The following MID1 variants were observed in gnomAD, a reference collection of about 807,000 sequenced individuals.
MID1 encodes the protein E3 ubiquitin-protein ligase Midline-1.
In MID1, 7 loss-of-function variants were observed where a neutral mutation model predicts 40.4. The observed-to-expected ratio is 0.17, with a 90% confidence interval of 0.10 to 0.33. MID1 has a LOEUF of 0.33. Ranked by LOEUF, MID1 falls within the 10% of genes least tolerant of loss-of-function variation. The pLI, the probability that MID1 is intolerant of heterozygous loss-of-function variation, is 1.00. For synonymous variants in MID1, 229 were observed against 221.2 expected, an observed-to-expected ratio of 1.04 and a Z score of -0.31; for missense variants, 367 against 558.5, an observed-to-expected ratio of 0.66 and a Z score of 3.46.
chrX:10,527,844 C>T (rs1378558927), intron 2 of MID1, among the ~76,000 whole-genome samples: 1 of 111,445 alleles, frequency 9.0e-6, no homozygotes, highest in East Asian at 2.8e-4. Context: ...TGCTCATTAA[C>T]CCTCTTTCCT....
chrX:10,511,652 G>C (rs1401575367), intron 3 of MID1, among the ~76,000 whole-genome samples: 1 of 112,306 alleles, frequency 8.9e-6, no homozygotes, highest in East Asian at 2.8e-4. Context: ...GCCTCCCAAA[G>C]TGCTGAGATT....
intron 1 of MID1, among the ~76,000 whole-genome samples, chrX:10,776,894 C>T (rs188709760): frequency 6.7e-4 from 75 of 112,147 alleles, no homozygotes; most frequent in African/African-American, 2.4e-3. Flanking sequence ...TGCTTACTTC[C>T]AATGATTTAC....
intron 7 of MID1, 68 bp from the exon 8 acceptor site, chrX:10,459,875 T>G: frequency 9.4e-7 from 1 of 1,061,037 alleles, no homozygotes; most frequent in East Asian, 3.0e-5. Flanking sequence ...TAATTTTAGG[T>G]TGAATAATTT....
rs537679954 is a variant in MID1, at chrX:10,759,293, C to T, written c.-187+74261G>A. Among the ~76,000 whole-genome samples, 39 of 111,860 alleles carry T rather than the reference C, an allele frequency of 3.5e-4. 1 individual carries two copies. Among genetic ancestry groups the T allele is most frequent in the African/African-American group, 1.0e-3 (31 of 30,742 alleles). On this transcript the variant is annotated intron_variant, in intron 1 of 10. Coordinates refer to the MID1 transcript ENST00000380785. ...TTGAAGGAGACCGAGGAAATGCTGG[C>T]GACGCAGGGCTGAGGCACAACTTTG...
intron 5 of MID1, among the ~76,000 whole-genome samples, chrX:10,477,751 G>A (rs1003646354): frequency 1.8e-5 from 2 of 112,029 alleles, no homozygotes; most frequent in African/African-American, 6.5e-5. Flanking sequence ...TGCTCACAAG[G>A]CTTCTGCCAA....
In MID1 at chrX:10,765,942, GGAAAGAAAGAAAGAAAGAAA is replaced by G. The variant is rs201959862; in HGVS notation, c.-187+67592_-187+67611del. Among the ~76,000 whole-genome samples the G allele has an allele frequency of 9.2e-3, 603 of 65,397 alleles. 7 individuals carry two copies. Among genetic ancestry groups the G allele is most frequent in the East Asian group, 0.036 (74 of 2,028 alleles). The allele number at this position is 65,397 out of a possible 115,157, so 56.8% of individuals were successfully genotyped here. On this transcript the variant is annotated intron_variant, in intron 1 of 10. Transcript: ENST00000380785. ...AAGAAAGAAAGGAAAGGAAAGGAAAGGAAAGAAAGAAAGAAAGAAAGAAAGAAAGAAAGAAAGAAAGAAAG... is the reference window on the plus strand; with the variant it reads ...AAGAAAGAAAGGAAAGGAAAGGAAAGGAAAGAAAGAAAGAAAGAAAGAAAG...
Position 10,722,014 on chromosome X carries a change from C to A in MID1, c.-186-101595G>T, listed in dbSNP as rs1041527230. Among the ~76,000 whole-genome samples the A allele has an allele frequency of 4.5e-5, 5 of 111,495 alleles. No individual in the cohort carries two copies. The East Asian group carries it at 1.4e-3, about 31-fold the overall frequency. ...TTTCCAAACTGCCACCAACATAGTT[C>A]TTTGGCCATCTCCTTATATCTCTGA... On this transcript the variant is annotated intron_variant, in intron 1 of 10. Coordinates refer to the MID1 transcript ENST00000380785.
intron 1 of MID1, among the ~76,000 whole-genome samples, chrX:10,710,904 ATGCTCCTCAATTT>A (rs1427152488): frequency 8.9e-6 from 1 of 112,052 alleles, no homozygotes; most frequent in Non-Finnish European, 1.9e-5. Flanking sequence ...GTGTCAGACC[ATGCTCCTCAATTT>A]TGCTCTGGAA....
chrX:10,824,199 G>A (rs2044199019), intron 1 of MID1, among the ~76,000 whole-genome samples: 1 of 111,811 alleles, frequency 8.9e-6, no homozygotes. Flanking sequence ...CAGTCTTTCT[G>A]AACAGGAAAA....
intron 4 of MID1, among the ~76,000 whole-genome samples, chrX:10,494,698 C>T (rs748580088): frequency 7.4e-4 from 76 of 102,613 alleles, no homozygotes; most frequent in Non-Finnish European, 1.1e-3. Context: ...TGTCTGAGCC[C>T]GGGAGGCGGC....
intron 1 of MID1, among the ~76,000 whole-genome samples, chrX:10,745,271 G>A (rs965282304): frequency 1.8e-5 from 2 of 112,231 alleles, no homozygotes; most frequent in Non-Finnish European, 3.8e-5. Context: ...GAGTGGGGAA[G>A]AATCATTCTT....
chrX:10,694,731 A>G (rs1416410191), intron 1 of MID1, among the ~76,000 whole-genome samples: 1 of 112,113 alleles, frequency 8.9e-6, no homozygotes, highest in Non-Finnish European at 1.9e-5. Flanking sequence ...TTTACAAAGC[A>G]TGGTGAAAAA....
chrX:10,581,840 G>C (rs1344185736), intron 1 of MID1, among the ~76,000 whole-genome samples: 1 of 111,458 alleles, frequency 9.0e-6, no homozygotes, highest in East Asian at 2.8e-4. Flanking sequence ...CTCCCACCAT[G>C]AACTTGGGGC....
intron 1 of MID1, among the ~76,000 whole-genome samples, chrX:10,667,731 C>T (rs2042959641): frequency 9.0e-6 from 1 of 111,220 alleles, no homozygotes; most frequent in Non-Finnish European, 1.9e-5. Context: ...AGCTCAAAGA[C>T]TGATTGTTTC....
At chrX:10,584,254 G>T (rs1935086899) in intron 1 of MID1, among the ~76,000 whole-genome samples, 1 of 112,019 alleles carries the variant, frequency 8.9e-6, no homozygotes, top group African/African-American at 3.3e-5. Flanking sequence ...CTGCTGCATT[G>T]GGGATTAAGT....
intron 7 of MID1, chrX:10,469,351 TTTAAG>T (rs1929562646): frequency 2.1e-6 from 2 of 955,841 alleles, no homozygotes; most frequent in African/African-American, 4.1e-5. Flanking sequence ...TATTTTGATC[TTTAAG>T]TTATGAACCT....
At chrX:10,795,970 A>T (rs1184674609) in intron 1 of MID1, among the ~76,000 whole-genome samples, 1 of 111,894 alleles carries the variant, frequency 8.9e-6, no homozygotes, top group African/African-American at 3.2e-5. Flanking sequence ...TACTTGGTAC[A>T]GGCCAGCAAC....
At chrX:10,459,403 C>T (rs944190579) in intron 8 of MID1, among the ~76,000 whole-genome samples, 4 of 112,170 alleles carry the variant, frequency 3.6e-5, no homozygotes, top group African/African-American at 1.3e-4. Flanking sequence ...AATGAGAAGA[C>T]TCAATTTTTT....
At chrX:10,712,983 C>G (rs191294577) in intron 1 of MID1, among the ~76,000 whole-genome samples, 2,112 of 110,862 alleles carry the variant, frequency 0.019, 50 homozygotes, top group African/African-American at 0.066. Context: ...GTTAAAGGCA[C>G]GTGCCACCAC....
Sources: gnomAD v4.1 joint callset for allele counts (sites outside exome capture counted in the v4.1 genomes callset) on GRCh38, gnomAD v4.1.1 for gene constraint, MANE v1.5 for transcripts, NCBI Gene and HGNC (gene_info 2026-07-23, HGNC 2026-07-21) for gene names.